The following SMC5 variants were observed in gnomAD, a reference collection of about 807,000 sequenced individuals.
SMC5 encodes structural maintenance of chromosomes 5.
SMC5 carries 88 observed loss-of-function variants against 148.3 expected under a neutral mutation model. The ratio of observed to expected loss-of-function variants is 0.59; its 90% CI spans 0.50 to 0.71. SMC5 has a LOEUF of 0.71. Among genes scored for constraint, SMC5 ranks in the 30% least tolerant of loss-of-function variants. The pLI is 0.00. For synonymous variants in SMC5, 421 were observed against 432.8 expected (o/e 0.97, Z 0.34); for missense variants, 1,142 against 1,298.9 (o/e 0.88, Z 1.86).
intron 8 of SMC5, among the ~76,000 whole-genome samples, chr9:70,294,426 C>A (rs1045713116): frequency 1.3e-5 from 2 of 152,106 alleles, no homozygotes; most frequent in Non-Finnish European, 2.9e-5. Flanking sequence ...TTAATTAGAA[C>A]TGGGCTTTTT....
At position 70,297,534 on chromosome 9, in the gene SMC5, A is replaced by G. The variant is rs149915538; in HGVS notation, c.1054-432A>G. ...ATTTTGGATTTGGGATTTTTGGATT[A>G]GGGATATTCAACCTGTAATAGGGTG... On this transcript the variant is annotated intron_variant, in intron 8 of 24. Transcript: ENST00000361138. Among the ~76,000 whole-genome samples the G allele has an allele frequency of 3.9e-3, 599 of 152,320 alleles. 3 individuals are homozygous for G. The highest frequency in any genetic ancestry group is 0.013 in the African/African-American group (554 of 41,570).
intron 11 of SMC5, among the ~76,000 whole-genome samples, chr9:70,309,318 C>CTTTTTTTTTTTTTTTTTTTTTTTTTTT (rs59694037): frequency 1.3e-5 from 1 of 79,178 alleles, no homozygotes; most frequent in African/African-American, 4.6e-5. Context: ...TTTCCTTTTC[C>CTTTTTTTTTTTTTTTTTTTTTTTTTTT]TTTTTTTTTT....
Position 70,352,219 on chromosome 9 carries a change from A to C in SMC5, c.3194A>C (p.Lys1065Thr). Reference sequence around the variant, plus strand: ...CTGCAAAATCTTCCTTATTCTGAAAAGATGACAGTTTTGTTTGTCTACAAT... The same window carrying C: ...CTGCAAAATCTTCCTTATTCTGAAACGATGACAGTTTTGTTTGTCTACAAT... ...KLLQNLPYSE[K>T]MTVLFVYNGP... Residue 1065 changes from lysine (K) to threonine (T), a missense_variant, in exon 25 of 25, where the codon AAG (lysine) becomes ACG (threonine). This residue lies in a region of SMC5 where 63 missense variants were observed against 65.7 expected (regional missense o/e 0.96). Transcript: ENST00000361138. 6 of 1,611,028 alleles carry C rather than the reference A, an allele frequency of 3.7e-6. No homozygotes were observed. The highest frequency in any genetic ancestry group is 5.1e-6 in the Non-Finnish European group (6 of 1,179,228).
intron 18 of SMC5, chr9:70,344,768 T>C (rs1266010199): frequency 6.6e-6 from 1 of 152,042 alleles, no homozygotes; most frequent in African/African-American, 2.4e-5. Context: ...TTAGTCACAT[T>C]CCACCGTTAA....
chr9:70,334,838 T>A (rs2036318711), intron 17 of SMC5, among the ~76,000 whole-genome samples: 1 of 152,024 alleles, frequency 6.6e-6, no homozygotes, highest in Non-Finnish European at 1.5e-5. Flanking sequence ...AATAAGCACG[T>A]GAAAAGATGC....
intron 3 of SMC5, among the ~76,000 whole-genome samples, chr9:70,275,858 A>C (rs2034578666): frequency 6.6e-6 from 1 of 152,114 alleles, no homozygotes; most frequent in African/African-American, 2.4e-5. Context: ...AAATATTGCC[A>C]TTGACCCATT....
chr9:70,267,980 G>A lies in SMC5; in HGVS notation c.380+5G>A, dbSNP rs2034338892. On this transcript the variant is annotated splice_donor_5th_base_variant and intron_variant, in intron 3 of 24. Coordinates refer to ENST00000361138, the MANE Select transcript of SMC5 (RefSeq NM_015110.4). ...AGGCATGGTTGAAATTGAATTGTAA[G>A]TGTTAAAAGTGCTAAAACTCCTTTT... 6.2e-7 allele frequency: 1 copy of A among 1,607,612 alleles called. No homozygotes were observed. The highest frequency in any genetic ancestry group is 8.5e-7 in the Non-Finnish European group (1 of 1,177,678).
intron 2 of SMC5, among the ~76,000 whole-genome samples, chr9:70,267,471 A>G (rs773468277): frequency 5.3e-5 from 8 of 152,206 alleles, no homozygotes; most frequent in Non-Finnish European, 1.2e-4. Context: ...GGTTGTTAAT[A>G]TTTAACCTGC....
intron 17 of SMC5, among the ~76,000 whole-genome samples, chr9:70,330,931 A>G (rs2036203359): frequency 6.6e-6 from 1 of 152,166 alleles, no homozygotes; most frequent in Non-Finnish European, 1.5e-5. Flanking sequence ...CAGTATATCC[A>G]AAATATTGTC....
At chr9:70,338,211 A>C (rs368107129) in intron 17 of SMC5, among the ~76,000 whole-genome samples, 1 of 151,830 alleles carries the variant, frequency 6.6e-6, no homozygotes, top group African/African-American at 2.4e-5. Flanking sequence ...AGTTCTCACT[A>C]TGTTGCCCTG....
intron 17 of SMC5, 29 bp from the exon 18 acceptor site, chr9:70,344,115 C>A: frequency 7.2e-7 from 1 of 1,393,528 alleles, no homozygotes; most frequent in Non-Finnish European, 9.6e-7. Flanking sequence ...CATTAACATT[C>A]AAATTTTCAA....
In SMC5 at chr9:70,264,379, G is replaced by A. The variant is rs1156276879; in HGVS notation, c.261G>A (p.Ser87=). 9 of 1,614,066 alleles carry A rather than the reference G, an allele frequency of 5.6e-6. No homozygotes were observed. Among genetic ancestry groups the A allele is most frequent in the South Asian group, 2.2e-5 (2 of 91,084 alleles). ...TTGGAGCCAATGGAACAGGGAAGTC[G>A]AGCATTGTGTGTGCCATTTGCCTTG... ...MIVGANGTGK[S]SIVCAICLGL... is the part of the protein sequence containing the mutation. The change falls in exon 2 of 25, where the codon TCG becomes TCA. Residue 87 remains serine (S), a synonymous_variant. Transcript: ENST00000361138.
chr9:70,318,878 G>A lies in SMC5; in HGVS notation c.2065G>A (p.Glu689Lys). The A allele has an allele frequency of 1.2e-6, 2 of 1,612,306 alleles. No homozygotes were observed. Among genetic ancestry groups the A allele is most frequent in the Non-Finnish European group, 1.7e-6 (2 of 1,179,188 alleles). The change falls in exon 15 of 25, where the codon GAA becomes AAA. Residue 689 changes from glutamate to lysine, a missense_variant. Coordinates refer to ENST00000361138, the MANE Select transcript of SMC5 (RefSeq NM_015110.4). ...TSKHLEHKDN[E>K]LRQKKKELLE... ...CAAACATCTGGAGCACAAAGACAAT[G>A]AACTTAGACAAAAGAAGAAGGAGCT...
intron 8 of SMC5, among the ~76,000 whole-genome samples, chr9:70,295,408 T>G (rs1332498671): frequency 6.7e-6 from 1 of 150,238 alleles, no homozygotes; most frequent in African/African-American, 2.5e-5. Context: ...GAGGCGGAGC[T>G]TGCAGTGAGC....
At chr9:70,264,235 T>A (rs1172993753) in intron 1 of SMC5, 69 bp from the exon 2 acceptor site, 5 of 1,429,000 alleles carry the variant, frequency 3.5e-6, no homozygotes, top group Admixed American at 2.0e-5. Flanking sequence ...AGGAAGCTCA[T>A]AGATAATGTA....
intron 15 of SMC5, among the ~76,000 whole-genome samples, 170 bp from the exon 16 acceptor site, chr9:70,323,313 A>G (rs1223505608): frequency 2.0e-5 from 3 of 152,216 alleles, no homozygotes; most frequent in African/African-American, 7.2e-5. Context: ...TTTATAAACA[A>G]TATTAATAGC....
chr9:70,315,882 G>C (rs192957912), intron 13 of SMC5, among the ~76,000 whole-genome samples: 1 of 152,036 alleles, frequency 6.6e-6, no homozygotes, highest in East Asian at 1.9e-4. Flanking sequence ...TGCCTTGCTT[G>C]GTAAATCTAT....
rs1210030041 is a variant in SMC5 at position 70,318,632 on chromosome 9, T to G, written c.1925T>G (p.Phe642Cys). ...AACACATCTCTAAAAGTAGCGCAGT[T>G]TCTCACTGTCACTGTGGACCTAGAG... The part of the protein sequence containing the change: ...SSNTSLKVAQ[F>C]LTVTVDLEQR... Residue 642 changes from phenylalanine to cysteine, a missense_variant, in exon 14 of 25, where the codon TTT (phenylalanine) becomes TGT (cysteine). Phe to Cys is a radical substitution (Grantham distance 205). Around this residue, in one of 5 missense-constraint regions of SMC5, gnomAD observed 743 missense variants for 835.7 expected, o/e 0.89. Transcript: ENST00000361138. 1.2e-6 allele frequency: 2 copies of G among 1,612,544 alleles called. No homozygotes were observed. Among genetic ancestry groups the G allele is most frequent in the African/African-American group, 2.7e-5 (2 of 75,016 alleles).
chr9:70,329,362 G>A (rs1371910877), intron 17 of SMC5, among the ~76,000 whole-genome samples: 1 of 152,164 alleles, frequency 6.6e-6, no homozygotes, highest in Non-Finnish European at 1.5e-5. Context: ...GCTGTTAGAA[G>A]CAGCCAGGCC....
Sources: allele counts gnomAD v4.1 joint callset (sites outside exome capture counted in the v4.1 genomes callset), GRCh38; gene constraint gnomAD v4.1.1; regional missense constraint gnomAD v4.1.1; transcripts MANE v1.5; gene names NCBI Gene and HGNC (gene_info 2026-07-23, HGNC 2026-07-21).